MTMR3: variants seen among roughly 807,000 people sequenced by gnomAD.
MTMR3 encodes myotubularin related protein 3.
MTMR3 carries 32 observed loss-of-function variants against 132.4 expected under a neutral mutation model. That is an observed-to-expected ratio of 0.24 (90% CI 0.18 to 0.32). The LOEUF is 0.32. Among genes scored for constraint, MTMR3 ranks in the 10% least tolerant of loss-of-function variants. The pLI, the probability that MTMR3 is intolerant of heterozygous loss-of-function variation, is 1.00. For synonymous variants in MTMR3, 556 were observed against 550.3 expected, an observed-to-expected ratio of 1.01 and a Z score of -0.14; for missense variants, 1,216 against 1,489.6, an observed-to-expected ratio of 0.82 and a Z score of 3.02.
chr22:29,931,030 AAACTT>A (rs2065633206), intron 1 of MTMR3, among the ~76,000 whole-genome samples: 1 of 151,898 alleles, frequency 6.6e-6, no homozygotes, highest in African/African-American at 2.4e-5. Context: ...AAAAAAAAAA[AAACTT>A]AAAAATGACC....
intron 2 of MTMR3, among the ~76,000 whole-genome samples, chr22:29,959,327 G>A (rs1451839207): frequency 2.0e-5 from 3 of 151,950 alleles, no homozygotes; most frequent in Non-Finnish European, 2.9e-5. Flanking sequence ...GGGGGGTGGG[G>A]GAGTGTTGCA....
chr22:29,909,523 C>T (rs1046013135), intron 1 of MTMR3, among the ~76,000 whole-genome samples: 2 of 152,028 alleles, frequency 1.3e-5, no homozygotes, highest in Admixed American at 1.3e-4. Context: ...CTTAGTTTCC[C>T]TCTTTATAAA....
At chr22:29,996,601 G>A (rs950777384) in intron 7 of MTMR3, 18 of 152,206 alleles carry the variant, frequency 1.2e-4, no homozygotes, top group African/African-American at 4.3e-4. Flanking sequence ...AAGACTTGGA[G>A]CTATATCCCA....
chr22:29,941,238 T>G (rs1213873685), intron 1 of MTMR3, among the ~76,000 whole-genome samples: 1 of 152,192 alleles, frequency 6.6e-6, no homozygotes, highest in East Asian at 1.9e-4. Flanking sequence ...AGTAAGTAGT[T>G]TGTTCATTTT....
chr22:29,991,376 G>A lies in MTMR3; in HGVS notation c.294-128G>A, dbSNP rs1369333875. 4.9e-6 allele frequency: 4 copies of A among 817,112 alleles called. No individual in the cohort carries two copies. The African/African-American group carries it at 7.1e-5, about 14-fold the overall frequency. 50.6% of individuals were successfully genotyped at this position (817,112 alleles called of 1,614,324 possible). A position where few individuals can be genotyped will look rare whatever the true frequency, so the allele number is the denominator to read the frequency against. On this transcript the variant is annotated intron_variant, in intron 6 of 19. Coordinates refer to ENST00000401950, the MANE Select transcript of MTMR3 (RefSeq NM_021090.4). ...ATAATGAGCATGCGAATGACTGACT[G>A]CCTCAGATGCTTTCTTGGTTGTAGT...
chr22:29,940,094 CG>C (rs1346583089), intron 1 of MTMR3, among the ~76,000 whole-genome samples: 1 of 152,092 alleles, frequency 6.6e-6, no homozygotes, highest in Non-Finnish European at 1.5e-5. Flanking sequence ...AGTGAAACCC[CG>C]TCTCTGCTAA....
At position 30,016,580 on chromosome 22, in the gene MTMR3, A is replaced by G; in HGVS notation, c.1556A>G (p.Asn519Ser). 1 of 1,614,210 alleles carries G rather than the reference A, an allele frequency of 6.2e-7. No homozygotes were observed. The highest frequency in any genetic ancestry group is 8.5e-7 in the Non-Finnish European group (1 of 1,180,030). Residue 519 changes from asparagine to serine, a missense_variant, in exon 15 of 20, where the codon AAC (asparagine) becomes AGC (serine). By Grantham distance (46) the Asn-to-Ser change is conservative. This residue lies in a region of MTMR3 where 852 missense variants were observed against 852.0 expected (regional missense o/e 1.00). Transcript: ENST00000401950. ...YSCLFGTFLC[N>S]NAKERGEKHT... The stretch of plus-strand genomic sequence containing the variant: ...TGCCTGTTTGGAACATTCCTGTGCA[A>G]CAACGCCAAGGAGAGAGGGGAAAAG...
At chr22:30,022,963 T>C (rs918990648) in intron 19 of MTMR3, 4 of 493,400 alleles carry the variant, frequency 8.1e-6, no homozygotes, top group Non-Finnish European at 1.5e-5. Flanking sequence ...CAGCCACCAC[T>C]GAAACCACCA....
intron 9 of MTMR3, chr22:30,005,897 G>A (rs960430127): frequency 6.6e-5 from 10 of 152,170 alleles, no homozygotes; most frequent in Non-Finnish European, 4.4e-5. Context: ...AAACATACTC[G>A]TTTTAAGTAA....
intron 1 of MTMR3, among the ~76,000 whole-genome samples, chr22:29,885,269 G>A (rs1461833998): frequency 6.6e-6 from 1 of 152,170 alleles, no homozygotes; most frequent in African/African-American, 2.4e-5. Flanking sequence ...TTTTGCTTTA[G>A]GTTGGGTATT....
At chr22:29,945,256 C>T (rs556279314) in intron 1 of MTMR3, among the ~76,000 whole-genome samples, 11 of 152,244 alleles carry the variant, frequency 7.2e-5, no homozygotes, top group East Asian at 3.9e-4. Context: ...TCTCCTGCCT[C>T]GCCCTCTTAA....
At chr22:29,954,796 A>G (rs1374810526) in intron 1 of MTMR3, among the ~76,000 whole-genome samples, 1 of 152,118 alleles carries the variant, frequency 6.6e-6, no homozygotes. Context: ...TTTCTCCCCC[A>G]ATTTACCTGT....
chr22:29,921,926 G>T (rs1392169626), intron 1 of MTMR3, among the ~76,000 whole-genome samples: 1 of 148,880 alleles, frequency 6.7e-6, no homozygotes, highest in Non-Finnish European at 1.5e-5. Flanking sequence ...TCGGCTTGCT[G>T]CAACCTCGAC....
chr22:30,024,748 A>G (rs190986708), intron 19 of MTMR3: 1 of 152,350 alleles, frequency 6.6e-6, no homozygotes. Flanking sequence ...GGCCCAGCAA[A>G]AGTAGAGTTG....
intron 2 of MTMR3, 28 bp from the exon 3 acceptor site, chr22:29,970,948 T>TTTTCCCCC: frequency 1.5e-6 from 1 of 685,458 alleles, no homozygotes; most frequent in Non-Finnish European, 2.3e-6. Context: ...TTTTTTTTCT[T>TTTTCCCCC]CTTCCCCCTC....
rs1001541472 is a variant in MTMR3, at chr22:29,922,891, T to TG, written c.-137-34145_-137-34144insG. Among the ~76,000 whole-genome samples the TG allele has an allele frequency of 7.8e-4, 95 of 121,304 alleles. 1 individual carries two copies. Among genetic ancestry groups the TG allele is most frequent in the African/African-American group, 4.3e-3 (92 of 21,174 alleles). The allele number at this position is 121,304 out of a possible 152,430, so 79.6% of individuals were successfully genotyped here. The stretch of plus-strand genomic sequence containing the variant: ...ACTCACATTTCCCTAGTGACTAGTG[T>TG]TTTTTTTTTTTTTTTGAGACTGGGT... On this transcript the variant is annotated intron_variant, in intron 1 of 19. Transcript: ENST00000401950.
intron 15 of MTMR3, 118 bp from the exon 16 acceptor site, chr22:30,017,809 G>C: frequency 7.8e-7 from 1 of 1,281,152 alleles, no homozygotes; most frequent in East Asian, 2.4e-5. Context: ...CTTCTTTGTG[G>C]AGATCCTGTC....
At chr22:29,917,832 A>G (rs2065337750) in intron 1 of MTMR3, among the ~76,000 whole-genome samples, 1 of 152,238 alleles carries the variant, frequency 6.6e-6, no homozygotes, top group African/African-American at 2.4e-5. Context: ...AAAGTCATTT[A>G]TACATAAATT....
chr22:29,926,988 G>A (rs2065530149), intron 1 of MTMR3, among the ~76,000 whole-genome samples: 2 of 152,174 alleles, frequency 1.3e-5, no homozygotes, highest in East Asian at 3.9e-4. Context: ...TTAGGTCTGT[G>A]TCTATTTTGA....
Sources: gnomAD v4.1 joint callset for allele counts (sites outside exome capture counted in the v4.1 genomes callset) on GRCh38, gnomAD v4.1.1 for gene constraint, gnomAD v4.1.1 regional missense constraint, MANE v1.5 for transcripts, NCBI Gene and HGNC (gene_info 2026-07-23, HGNC 2026-07-21) for gene names.